Variants in ASTN2 observed in about 807,000 individuals in gnomAD.
The protein encoded by ASTN2 is astrotactin-2.
In ASTN2, 54 loss-of-function variants were observed where a neutral mutation model predicts 139.8. The observed-to-expected ratio is 0.39, with a 90% CI of 0.31 to 0.48. The LOEUF is 0.48. Ranked by LOEUF, ASTN2 falls within the 20% of genes least tolerant of loss-of-function variation. The probability of loss-of-function intolerance (pLI) is 0.95; values close to 1 mark genes in which losing one functional copy is unlikely to be tolerated. For missense variants in ASTN2, 1,565 were observed against 1,725.1 expected (o/e 0.91, Z 1.64); for synonymous variants, 756 against 719.5 (o/e 1.05, Z -0.81).
Position 116,837,046 on chromosome 9 carries a change from G to A in ASTN2, c.2041-16263C>T, listed in dbSNP as rs138796201. ...AGTTTATTCTAAGTGCAACTGGAAG[G>A]CATAGGAGGGTTGTTGGCAGAGGAA... On this transcript the variant is annotated intron_variant, in intron 11 of 22. Transcript: ENST00000313400. Among the ~76,000 whole-genome samples, 13 of 152,232 alleles carry A rather than the reference G, an allele frequency of 8.5e-5. No individual in the cohort carries two copies. In the East Asian group the frequency reaches 1.7e-3, roughly 20 times the overall value.
chr9:117,024,365 G>A (rs1240715308), intron 6 of ASTN2, among the ~76,000 whole-genome samples: 6 of 152,026 alleles, frequency 3.9e-5, no homozygotes, highest in Non-Finnish European at 7.4e-5. Flanking sequence ...TTCAATAACA[G>A]GAATCATAAT....
At chr9:116,488,087 G>A (rs1849399138) in intron 19 of ASTN2, among the ~76,000 whole-genome samples, 1 of 152,140 alleles carries the variant, frequency 6.6e-6, no homozygotes, top group Non-Finnish European at 1.5e-5. Context: ...ACCATGTACA[G>A]GATGTACATG....
chr9:117,376,250 T>A (rs548857163), intron 1 of ASTN2, among the ~76,000 whole-genome samples: 1 of 152,136 alleles, frequency 6.6e-6, no homozygotes, highest in South Asian at 2.1e-4. Flanking sequence ...CTGAGGTTCA[T>A]AGAGGTAAAG....
rs145923400 is a variant in ASTN2, at chr9:116,718,975, C to CATATATATAT, written c.2806+6786_2806+6795dup. Reference sequence around the variant, plus strand: ...TTACATATCTATACCTGTATCTGTACATATATATATATATATCTGCCTATA... The same window carrying CATATATATAT: ...TTACATATCTATACCTGTATCTGTACATATATATATATATATATATATATATCTGCCTATA... On this transcript the variant is annotated intron_variant, in intron 16 of 22. Coordinates refer to ENST00000313400, the MANE Select transcript of ASTN2 (RefSeq NM_001365068.1). Among the ~76,000 whole-genome samples the CATATATATAT allele has an allele frequency of 2.1e-4, 25 of 116,610 alleles. No homozygotes were observed. The East Asian group carries it at 3.7e-3, about 17-fold the overall frequency. 76.5% of individuals were successfully genotyped at this position (116,610 alleles called of 152,430 possible).
rs1294707052 is a variant in ASTN2 at position 116,424,177 on chromosome 9, T to A, written c.*1674A>T. Among the ~76,000 whole-genome samples the A allele has an allele frequency of 1.3e-5, 2 of 152,052 alleles. No individual in the cohort carries two copies. The highest frequency in any genetic ancestry group is 2.9e-5 in the Non-Finnish European group (2 of 68,010). Reference sequence around the variant, plus strand: ...TACACTGGAAGCAGTGCAATTACCATTTAAAAGGATATTTCAATGATACCT... The same window carrying A: ...TACACTGGAAGCAGTGCAATTACCAATTAAAAGGATATTTCAATGATACCT... On this transcript the variant is annotated 3_prime_UTR_variant, in exon 23 of 23. Coordinates refer to ENST00000313400, the MANE Select transcript of ASTN2 (RefSeq NM_001365068.1).
chr9:117,043,543 C>G (rs1447294959), intron 5 of ASTN2, among the ~76,000 whole-genome samples: 1 of 152,158 alleles, frequency 6.6e-6, no homozygotes, highest in Non-Finnish European at 1.5e-5. Flanking sequence ...CATACTCTCT[C>G]CCTGGGCCCT....
rs187930316 is a variant in ASTN2, at chr9:116,595,398, G to A, written c.3355+22926C>T. Among the ~76,000 whole-genome samples the A allele has an allele frequency of 6.6e-5, 10 of 152,106 alleles. No homozygotes were observed. In the East Asian group the frequency reaches 9.7e-4, roughly 15 times the overall value. ...GCTGGAGTGCAGTGGTGTGATCTCG[G>A]CTCACTACAACCTCCACCTCCCAAT... On this transcript the variant is annotated intron_variant, in intron 19 of 22. Transcript: ENST00000313400.
intron 5 of ASTN2, among the ~76,000 whole-genome samples, chr9:117,061,840 A>G (rs888628324): frequency 6.6e-6 from 1 of 152,138 alleles, no homozygotes; most frequent in Admixed American, 6.6e-5. Flanking sequence ...AAAAGGGGAG[A>G]GTTGGAAAAA....
intron 4 of ASTN2, among the ~76,000 whole-genome samples, chr9:117,110,948 T>A (rs1418975075): frequency 2.0e-5 from 3 of 152,114 alleles, no homozygotes; most frequent in Non-Finnish European, 4.4e-5. Flanking sequence ...CTGTGTATAA[T>A]CTCTGCCCAT....
At chr9:117,217,305 G>T (rs1210337416) in intron 2 of ASTN2, among the ~76,000 whole-genome samples, 4 of 152,144 alleles carry the variant, frequency 2.6e-5, no homozygotes, top group Non-Finnish European at 5.9e-5. Context: ...TCAACTTTGG[G>T]CATTTCATTC....
At chr9:117,327,425 G>C (rs1828553564) in intron 1 of ASTN2, among the ~76,000 whole-genome samples, 1 of 152,200 alleles carries the variant, frequency 6.6e-6, no homozygotes, top group South Asian at 2.1e-4. Context: ...ATGCATGGAA[G>C]TATATAAAGC....
intron 3 of ASTN2, among the ~76,000 whole-genome samples, chr9:117,212,623 C>T (rs1222607750): frequency 2.0e-5 from 3 of 151,900 alleles, no homozygotes; most frequent in African/African-American, 7.3e-5. Context: ...AAAAAGTGGA[C>T]AAATTGTTCT....
chr9:116,801,052 A>T (rs1830832792), intron 13 of ASTN2, among the ~76,000 whole-genome samples: 1 of 152,136 alleles, frequency 6.6e-6, no homozygotes. Context: ...TTGATATCCT[A>T]GGCCAGCCAA....
intron 19 of ASTN2, chr9:116,540,532 C>T (rs1159730077): frequency 6.6e-6 from 1 of 152,236 alleles, no homozygotes; most frequent in Non-Finnish European, 1.5e-5. Context: ...CAGACAACTG[C>T]TTGGGTGACA....
chr9:116,907,574 T>G (rs150421815), intron 10 of ASTN2, among the ~76,000 whole-genome samples: 8 of 152,322 alleles, frequency 5.3e-5, no homozygotes, highest in African/African-American at 1.9e-4. Context: ...TATTTCACTC[T>G]AGAAGTGGCT....
chr9:116,749,824 T>C (rs958196931), intron 13 of ASTN2, among the ~76,000 whole-genome samples: 52 of 152,100 alleles, frequency 3.4e-4, no homozygotes, highest in African/African-American at 1.2e-3. Flanking sequence ...TTTAAGCGAG[T>C]GTGGCACCTC....
intron 5 of ASTN2, among the ~76,000 whole-genome samples, chr9:117,041,319 T>G (rs1404922677): frequency 6.6e-6 from 1 of 152,158 alleles, no homozygotes; most frequent in African/African-American, 2.4e-5. Context: ...GATATCTTTC[T>G]GTGGCTATCC....
intron 19 of ASTN2, among the ~76,000 whole-genome samples, chr9:116,523,635 C>CT (rs1293161722): frequency 6.6e-6 from 1 of 152,010 alleles, no homozygotes; most frequent in South Asian, 2.1e-4. Context: ...TAATAGAGGG[C>CT]TCTTGTTATT....
At chr9:116,812,364 G>A (rs1286932791) in intron 12 of ASTN2, among the ~76,000 whole-genome samples, 1 of 151,760 alleles carries the variant, frequency 6.6e-6, no homozygotes, top group Non-Finnish European at 1.5e-5. Flanking sequence ...CCCATAAGAG[G>A]GAGATAAGCG....
Sources: allele counts gnomAD v4.1 joint callset (sites outside exome capture counted in the v4.1 genomes callset), GRCh38; gene constraint gnomAD v4.1.1; transcripts MANE v1.5; gene names NCBI Gene and HGNC (gene_info 2026-07-23, HGNC 2026-07-21).